ISM1: variants seen among roughly 807,000 people sequenced by gnomAD.
The protein encoded by ISM1 is isthmin 1.
Under a neutral mutation model 46.3 loss-of-function variants are expected in ISM1, and 25 were observed. The ratio of observed to expected loss-of-function variants is 0.54; its 90% CI spans 0.39 to 0.75. The LOEUF (loss-of-function observed/expected upper bound fraction) is 0.75, where lower values mean the gene tolerates loss of function less well. Among genes scored for constraint, ISM1 ranks in the 30% least tolerant of loss-of-function variants. The pLI, the probability that ISM1 is intolerant of heterozygous loss-of-function variation, is 0.00. For synonymous variants in ISM1, 255 were observed against 256.7 expected (o/e 0.99, Z 0.06); for missense variants, 536 against 625.4 (o/e 0.86, Z 1.52).
At chr20:13,317,249 A>C in the ISM1 span, among the ~76,000 whole-genome samples, 1 of 151,924 alleles carries the variant, frequency 6.6e-6, no homozygotes, top group Non-Finnish European at 1.5e-5. Context: ...TCTACACCAA[A>C]AAAACAAAAC....
At chr20:13,255,999 G>A (rs2039924952) in intron 1 of ISM1, among the ~76,000 whole-genome samples, 1 of 151,888 alleles carries the variant, frequency 6.6e-6, no homozygotes. Flanking sequence ...AAACCGTGAA[G>A]ATCCACCAGG....
chr20:13,292,883 C>A (rs1467015734), intron 5 of ISM1, among the ~76,000 whole-genome samples: 1 of 151,964 alleles, frequency 6.6e-6, no homozygotes, highest in Non-Finnish European at 1.5e-5. Context: ...AATATTGCAC[C>A]TCCATCCCCT....
At position 13,299,542 on chromosome 20, in the gene ISM1, C is replaced by A. The variant is rs2123340307; in HGVS notation, c.*83C>A. The A allele has an allele frequency of 1.6e-6, 2 of 1,251,242 alleles. No homozygotes were observed. Among genetic ancestry groups the A allele is most frequent in the Non-Finnish European group, 2.2e-6 (2 of 897,772 alleles). 77.5% of individuals were successfully genotyped at this position (1,251,242 alleles called of 1,614,324 possible). On this transcript the variant is annotated 3_prime_UTR_variant, in exon 6 of 6. Transcript: ENST00000262487. The surrounding 1 kb of genome is among the most constrained non-coding windows in gnomAD (Gnocchi z 5.8). ...ACTGACGTGCCGACTGGCGCCGAGA[C>A]CTTCATAGCTGCGGTCGTGTATATT...
rs115571080 is a variant in ISM1 at position 13,272,833 on chromosome 20, C to T, written c.378+2090C>T. 2.8e-3 allele frequency among the ~76,000 whole-genome samples: 420 copies of T among 152,318 alleles called. 3 individuals carry two copies. The highest frequency in any genetic ancestry group is 9.5e-3 in the African/African-American group (394 of 41,568). ...AACCTTGTTTCCTATCATGGCTCAT[C>T]CATGTGTTTATAGATGTTCTGGTTC... is the stretch of plus-strand genomic sequence containing the variant. On this transcript the variant is annotated intron_variant, in intron 2 of 5. Transcript: ENST00000262487.
intron 1 of ISM1, among the ~76,000 whole-genome samples, chr20:13,266,208 A>G (rs1222868025): frequency 1.3e-5 from 2 of 152,224 alleles, no homozygotes; most frequent in Non-Finnish European, 2.9e-5. Context: ...AGTAAGAAAA[A>G]GAGGGGACTA....
At chr20:13,245,202 C>T (rs1212357434) in intron 1 of ISM1, 2 of 152,296 alleles carry the variant, frequency 1.3e-5, no homozygotes, top group South Asian at 2.1e-4. Flanking sequence ...CGTTTATTAT[C>T]TCAGAACTTC....
chr20:13,324,320 C>A, the ISM1 span, among the ~76,000 whole-genome samples: 1 of 152,150 alleles, frequency 6.6e-6, no homozygotes, highest in Admixed American at 6.5e-5. Flanking sequence ...TTGTAGGGAA[C>A]AATTGCCTTG....
chr20:13,222,787 G>T (rs2039466665), intron 1 of ISM1, among the ~76,000 whole-genome samples: 1 of 152,182 alleles, frequency 6.6e-6, no homozygotes, highest in Non-Finnish European at 1.5e-5. Context: ...TTGAGTCTAG[G>T]GGTGGGACAA....
intron 1 of ISM1, among the ~76,000 whole-genome samples, chr20:13,257,533 G>A (rs2039941853): frequency 6.6e-6 from 1 of 152,086 alleles, no homozygotes; most frequent in Non-Finnish European, 1.5e-5. Flanking sequence ...TTTACATAGT[G>A]TACTATGTGC....
At chr20:13,315,994 G>A in the ISM1 span, among the ~76,000 whole-genome samples, 4 of 151,940 alleles carry the variant, frequency 2.6e-5, no homozygotes, top group Non-Finnish European at 5.9e-5. Flanking sequence ...TGAGGCAAAA[G>A]TAGTGCTTAA....
intron 1 of ISM1, among the ~76,000 whole-genome samples, chr20:13,263,750 G>GA (rs1568676436): frequency 6.6e-6 from 1 of 152,140 alleles, no homozygotes. Context: ...CTTTCATCTG[G>GA]AAAAAGGAAA....
chr20:13,316,868 T>G, the ISM1 span, among the ~76,000 whole-genome samples: 1 of 151,880 alleles, frequency 6.6e-6, no homozygotes, highest in Non-Finnish European at 1.5e-5. Context: ...CCACTAAGAT[T>G]AGGTACAAAG....
chr20:13,239,669 C>T (rs1018394215), intron 1 of ISM1: 1 of 152,208 alleles, frequency 6.6e-6, no homozygotes, highest in Admixed American at 6.5e-5. Flanking sequence ...CCCACCTGCA[C>T]TCCATGGTGA....
intron 1 of ISM1, among the ~76,000 whole-genome samples, chr20:13,242,557 A>T (rs969548828): frequency 1.8e-4 from 27 of 152,160 alleles, no homozygotes; most frequent in Non-Finnish European, 2.9e-5. Context: ...GCTGAGTCCA[A>T]TTAAGTGTTC....
At chr20:13,273,310 T>C (rs6109789) in intron 2 of ISM1, among the ~76,000 whole-genome samples, 47,043 of 150,544 alleles carry the variant, frequency 0.31, 7,388 homozygotes, top group Middle Eastern at 0.37. Context: ...TCATGGCTTG[T>C]TGAGGCCTTG....
In ISM1 at chr20:13,292,469, ATT is replaced by A; in HGVS notation, c.877+12_877+13del. 1 of 1,571,834 alleles carries A rather than the reference ATT, an allele frequency of 6.4e-7. No homozygotes were observed. Among genetic ancestry groups the A allele is most frequent in the South Asian group, 1.2e-5 (1 of 85,182 alleles). ...CACCAAACTGTTTGAAGTTGGTAAGATTTTTTTCTTTTTTAATCCAAATATTG... is the reference window on the plus strand; with the variant it reads ...CACCAAACTGTTTGAAGTTGGTAAGATTTTTCTTTTTTAATCCAAATATTG... On this transcript the variant is annotated splice_region_variant and intron_variant, in intron 5 of 5. Coordinates refer to ENST00000262487, the MANE Select transcript of ISM1 (RefSeq NM_080826.2).
chr20:13,225,246 C>T (rs2039509647), intron 1 of ISM1, among the ~76,000 whole-genome samples: 2 of 152,044 alleles, frequency 1.3e-5, no homozygotes, highest in Admixed American at 1.3e-4. Context: ...AGGTAATTTG[C>T]CCAAGGTTGC....
the ISM1 span, among the ~76,000 whole-genome samples, chr20:13,307,023 G>A: frequency 1.3e-5 from 2 of 152,138 alleles, no homozygotes; most frequent in African/African-American, 2.4e-5. Flanking sequence ...ACAGGATATT[G>A]GAGGGAGAGA....
intron 2 of ISM1, among the ~76,000 whole-genome samples, chr20:13,278,477 C>G (rs2040204740): frequency 6.6e-6 from 1 of 152,126 alleles, no homozygotes; most frequent in Non-Finnish European, 1.5e-5. Context: ...CTTTTTGTTT[C>G]TTTGGTCTCA....
Sources: allele counts gnomAD v4.1 joint callset (sites outside exome capture counted in the v4.1 genomes callset), GRCh38; gene constraint gnomAD v4.1.1; non-coding constraint Gnocchi (gnomAD v3.1); transcripts MANE v1.5; gene names NCBI Gene and HGNC (gene_info 2026-07-23, HGNC 2026-07-21).